The following PREX1 variants were observed in gnomAD, a reference collection of about 807,000 sequenced individuals.
PREX1 encodes the protein phosphatidylinositol-3,4,5-trisphosphate dependent Rac exchange factor 1.
A neutral mutation model predicts 198.3 loss-of-function variants in PREX1; 41 were observed. The observed-to-expected ratio is 0.21, with a 90% CI of 0.16 to 0.27. PREX1 has a LOEUF of 0.27. Among genes scored for constraint, PREX1 ranks in the 10% least tolerant of loss-of-function variants. The pLI is 1.00. For synonymous variants in PREX1, 843 were observed against 887.2 expected (o/e 0.95, Z 0.89); for missense variants, 1,620 against 2,200.7 (o/e 0.74, Z 5.28).
In PREX1 at chr20:48,666,407, A is replaced by G. The variant is rs1601060330; in HGVS notation, c.1666-52T>C. The G allele has an allele frequency of 6.9e-7, 1 of 1,456,328 alleles. No homozygotes were observed. Among genetic ancestry groups the G allele is most frequent in the African/African-American group, 1.4e-5 (1 of 71,236 alleles). 90.2% of individuals were successfully genotyped at this position (1,456,328 alleles called of 1,614,324 possible). A position where few individuals can be genotyped will look rare whatever the true frequency, so the allele number is the denominator to read the frequency against. On this transcript the variant is annotated intron_variant, in intron 14 of 39. Transcript: ENST00000371941. The surrounding 1 kb of genome is among the most constrained non-coding windows in gnomAD (Gnocchi z 4.3). ...GTTAGGTGGCAGCATCCGAGAGGCC[A>G]TGCATGGCCAACGAGAAGCCCACAA...
chr20:48,792,291 A>C (rs548333166), intron 1 of PREX1, among the ~76,000 whole-genome samples: 1 of 152,118 alleles, frequency 6.6e-6, no homozygotes, highest in African/African-American at 2.4e-5. Context: ...ACCAACATGG[A>C]GAAACCCGGT....
chr20:48,676,890 G>A (rs1278977293), intron 13 of PREX1, among the ~76,000 whole-genome samples: 3 of 152,196 alleles, frequency 2.0e-5, no homozygotes, highest in East Asian at 1.9e-4. Flanking sequence ...TATCAGGGCC[G>A]AGCAGCACAG....
chr20:48,770,349 G>A (rs1177181653), intron 1 of PREX1, among the ~76,000 whole-genome samples: 1 of 152,152 alleles, frequency 6.6e-6, no homozygotes, highest in Non-Finnish European at 1.5e-5. Context: ...CCGAGAATGG[G>A]CAGCAGGGCA....
chr20:48,706,518 A>G (rs1342269110), intron 6 of PREX1, among the ~76,000 whole-genome samples: 1 of 152,200 alleles, frequency 6.6e-6, no homozygotes, highest in East Asian at 1.9e-4. Flanking sequence ...GGACACCTGT[A>G]TGGGGCTTCT....
Position 48,797,772 on chromosome 20 carries a change from G to A in PREX1, c.219+29870C>T, listed in dbSNP as rs139203968. On this transcript the variant is annotated intron_variant, in intron 1 of 39. Coordinates refer to ENST00000371941, the MANE Select transcript of PREX1 (RefSeq NM_020820.4). ...ATGGCAGCTCTGTCCCGACTTTCCCGGCCAGCGGCACATCCACTTTGCACC... is the reference window on the plus strand; with the variant it reads ...ATGGCAGCTCTGTCCCGACTTTCCCAGCCAGCGGCACATCCACTTTGCACC... Among the ~76,000 whole-genome samples the A allele has an allele frequency of 3.2e-4, 48 of 152,296 alleles. 2 individuals carry two copies. The East Asian group carries it at 8.3e-3, about 26-fold the overall frequency.
chr20:48,658,102 A>G (rs752644412), intron 17 of PREX1, 34 bp downstream of exon 17: 1 of 1,596,330 alleles, frequency 6.3e-7, no homozygotes, highest in East Asian at 2.2e-5. Context: ...TGCCACCTGC[A>G]CACGGTCCCT....
intron 16 of PREX1, among the ~76,000 whole-genome samples, chr20:48,659,265 G>GAA (rs2089571078): frequency 1.4e-5 from 2 of 145,586 alleles, no homozygotes; most frequent in Admixed American, 7.0e-5. Flanking sequence ...AGGAAGGACG[G>GAA]GCACGAGAGA....
Position 48,734,527 on chromosome 20 carries a change from G to C in PREX1, c.519+19C>G, listed in dbSNP as rs1192582967. ...GAGGCCGAGTGCAAGGGAGCACCAG[G>C]GCTGACGGGTCAACTTACCAAAAGG... On this transcript the variant is annotated intron_variant, in intron 4 of 39. Coordinates refer to ENST00000371941, the MANE Select transcript of PREX1 (RefSeq NM_020820.4). 7 of 1,607,532 alleles carry C rather than the reference G, an allele frequency of 4.4e-6. 1 individual carries two copies. The highest frequency in any genetic ancestry group is 3.3e-5 in the South Asian group (3 of 90,920).
At position 48,746,516 on chromosome 20, in the gene PREX1, G is replaced by A. The variant is rs117041873; in HGVS notation, c.291+1293C>T. Among the ~76,000 whole-genome samples, 420 of 152,236 alleles carry A rather than the reference G, an allele frequency of 2.8e-3. 5 individuals are homozygous for A. The East Asian group carries it at 0.045, about 16-fold the overall frequency. ...AAATCCCAGAGGCAGGCAGGGACAC[G>A]AAAGAGCTCACTTTAATGTAAATTT... On this transcript the variant is annotated intron_variant, in intron 2 of 39. Transcript: ENST00000371941.
intron 10 of PREX1, 23 bp downstream of exon 10, chr20:48,688,634 G>A: frequency 6.2e-7 from 1 of 1,613,990 alleles, no homozygotes; most frequent in Non-Finnish European, 8.5e-7. Context: ...GGGACCCAGG[G>A]AGTTCAGAGT....
intron 4 of PREX1, among the ~76,000 whole-genome samples, chr20:48,734,029 G>A (rs941638189): frequency 6.6e-6 from 1 of 152,164 alleles, no homozygotes; most frequent in South Asian, 2.1e-4. Flanking sequence ...TGGGATTACA[G>A]GCGTGAGTCC....
At chr20:48,875,891 A>G in the PREX1 span, among the ~76,000 whole-genome samples, 17 of 152,114 alleles carry the variant, frequency 1.1e-4, no homozygotes, top group Non-Finnish European at 2.2e-4. Context: ...TGGTGTGGAG[A>G]AGAGACTGGG....
At chr20:48,766,300 A>G (rs2090207815) in intron 1 of PREX1, among the ~76,000 whole-genome samples, 1 of 152,262 alleles carries the variant, frequency 6.6e-6, no homozygotes, top group African/African-American at 2.4e-5. Flanking sequence ...GCTGGGGACC[A>G]CTGGCCTAGA....
chr20:48,688,361 G>C (rs2089797430), intron 10 of PREX1, among the ~76,000 whole-genome samples: 1 of 152,184 alleles, frequency 6.6e-6, no homozygotes, highest in Admixed American at 6.5e-5. Flanking sequence ...TATTTTCAGA[G>C]TGGGATCAAG....
the PREX1 span, among the ~76,000 whole-genome samples, chr20:48,843,046 T>G: frequency 6.6e-6 from 1 of 152,216 alleles, no homozygotes. Context: ...TGCCTAATCT[T>G]AAGATGCCTC....
At chr20:48,764,689 T>C (rs2090199796) in intron 1 of PREX1, among the ~76,000 whole-genome samples, 1 of 147,168 alleles carries the variant, frequency 6.8e-6, no homozygotes, top group Non-Finnish European at 1.5e-5. Context: ...GGCTGAGGCG[T>C]GAGAATTGCT....
chr20:48,661,556 T>TATATAC (rs1555832871), intron 15 of PREX1, among the ~76,000 whole-genome samples: 2 of 127,886 alleles, frequency 1.6e-5, no homozygotes, highest in Admixed American at 8.2e-5. Context: ...TATATATATA[T>TATATAC]ACACACACAC....
At chr20:48,836,330 G>T in the PREX1 span, among the ~76,000 whole-genome samples, 5 of 152,190 alleles carry the variant, frequency 3.3e-5, no homozygotes, top group African/African-American at 9.7e-5. Flanking sequence ...CCCAGGGAGG[G>T]TATGTGGATG....
intron 1 of PREX1, among the ~76,000 whole-genome samples, chr20:48,797,560 A>G (rs984546132): frequency 6.6e-6 from 1 of 151,854 alleles, no homozygotes; most frequent in Non-Finnish European, 1.5e-5. Flanking sequence ...AGAGGCCCAC[A>G]GCGCTGTCTC....
Sources: gnomAD v4.1 joint callset for allele counts (sites outside exome capture counted in the v4.1 genomes callset) on GRCh38, gnomAD v4.1.1 for gene constraint, Gnocchi (gnomAD v3.1) non-coding constraint, MANE v1.5 for transcripts, NCBI Gene and HGNC (gene_info 2026-07-23, HGNC 2026-07-21) for gene names.